GRK4: variants seen among roughly 807,000 people sequenced by gnomAD.
GRK4 encodes the protein G protein-coupled receptor kinase 4, also known as G protein-coupled receptor kinase 2-like.
In GRK4, 73 loss-of-function variants were observed where a neutral mutation model predicts 77.9. The ratio of observed to expected loss-of-function variants is 0.94; its 90% CI spans 0.78 to 1.14. The LOEUF is 1.14. Among genes scored for constraint, GRK4 ranks in the 50% most tolerant of loss-of-function variants. The probability of loss-of-function intolerance (pLI) is 0.00; values close to 1 mark genes in which losing one functional copy is unlikely to be tolerated. For synonymous variants in GRK4, 257 were observed against 254.4 expected, an observed-to-expected ratio of 1.01 and a Z score of -0.10; for missense variants, 729 against 700.2, an observed-to-expected ratio of 1.04 and a Z score of -0.46.
At chr4:3,001,369 A>ATAT (rs1271643822) in intron 4 of GRK4, among the ~76,000 whole-genome samples, 5 of 76,940 alleles carry the variant, frequency 6.5e-5, no homozygotes, top group Admixed American at 3.6e-4. Flanking sequence ...ATATATATAT[A>ATAT]TTTTTTTTTT....
At chr4:3,001,941 T>C (rs1419324389) in intron 4 of GRK4, among the ~76,000 whole-genome samples, 2 of 152,202 alleles carry the variant, frequency 1.3e-5, no homozygotes, top group Non-Finnish European at 2.9e-5. Context: ...TATTTTTTCA[T>C]TGAATCTGGA....
intron 4 of GRK4, among the ~76,000 whole-genome samples, chr4:3,001,089 A>ATATATATATATATATATATG: frequency 1.2e-5 from 1 of 82,432 alleles, no homozygotes; most frequent in African/African-American, 5.8e-5. Context: ...ATATATATAT[A>ATATATATATATATATATATG]TGTGTGTGTG....
intron 12 of GRK4, among the ~76,000 whole-genome samples, chr4:3,033,784 A>C (rs1357078848): frequency 6.6e-6 from 1 of 152,122 alleles, no homozygotes; most frequent in Non-Finnish European, 1.5e-5. Context: ...ACCGGGTTTC[A>C]CCATGTTGGC....
intron 4 of GRK4, among the ~76,000 whole-genome samples, chr4:3,001,457 C>T (rs1461251124): frequency 6.6e-6 from 1 of 150,568 alleles, no homozygotes; most frequent in South Asian, 2.1e-4. Flanking sequence ...ACCTCTGCCT[C>T]CTGGGTTCAA....
intron 7 of GRK4, 135 bp downstream of exon 7, chr4:3,009,846 G>T (rs1732388257): frequency 3.6e-6 from 2 of 555,864 alleles, no homozygotes; most frequent in African/African-American, 3.8e-5. Context: ...AATAATCTTT[G>T]CCAACTGTGA....
At chr4:3,003,318 T>A (rs1026559355) in intron 4 of GRK4, among the ~76,000 whole-genome samples, 30 of 152,038 alleles carry the variant, frequency 2.0e-4, no homozygotes, top group Non-Finnish European at 4.0e-4. Flanking sequence ...GCCTCCTGAG[T>A]AGCTAGGATT....
intron 1 of GRK4, among the ~76,000 whole-genome samples, chr4:2,978,948 G>A (rs1178017189): frequency 6.6e-6 from 1 of 152,082 alleles, no homozygotes; most frequent in Non-Finnish European, 1.5e-5. Context: ...ACACAAATTA[G>A]GCTGGGCACG....
At chr4:2,975,032 C>T (rs1394293274) in intron 1 of GRK4, among the ~76,000 whole-genome samples, 2 of 152,172 alleles carry the variant, frequency 1.3e-5, no homozygotes, top group East Asian at 1.9e-4. Flanking sequence ...AGGCCGGGCG[C>T]GGTGGCTCTC....
At chr4:3,001,273 GTATGTATGTATACACATACA>G (rs1221470196) in intron 4 of GRK4, among the ~76,000 whole-genome samples, 1 of 139,970 alleles carries the variant, frequency 7.1e-6, no homozygotes, top group Non-Finnish European at 1.5e-5. Flanking sequence ...ATGTGTGTAT[GTATGTATGTATACACATACA>G]TATATATGTA....
At chr4:3,009,236 C>T (rs1226155456) in intron 6 of GRK4, among the ~76,000 whole-genome samples, 1 of 151,930 alleles carries the variant, frequency 6.6e-6, no homozygotes, top group Non-Finnish European at 1.5e-5. Flanking sequence ...GCCTGGTAAA[C>T]ATGGTGAAAA....
chr4:2,970,755 T>C (rs1277545826), intron 1 of GRK4, among the ~76,000 whole-genome samples: 10 of 151,920 alleles, frequency 6.6e-5, no homozygotes, highest in East Asian at 2.0e-4. Context: ...CTGCAAGCTC[T>C]GCCTCCCAGG....
intron 4 of GRK4, among the ~76,000 whole-genome samples, chr4:2,998,362 A>AAAAAG (rs1036391916): frequency 1.3e-5 from 2 of 152,214 alleles, no homozygotes; most frequent in Admixed American, 1.3e-4. Context: ...GTTTAAAAAA[A>AAAAAG]AAAAGAAAAG....
chr4:3,028,025 C>G, intron 11 of GRK4, 24 bp downstream of exon 11: 2 of 1,603,032 alleles, frequency 1.2e-6, no homozygotes, highest in Non-Finnish European at 1.7e-6. Flanking sequence ...TTTCGGCGTC[C>G]TTGTCCTTTC....
Position 3,035,377 on chromosome 4 carries a change from C to G in GRK4, c.1270-9C>G, listed in dbSNP as rs762442626. 6.2e-7 allele frequency: 1 copy of G among 1,613,680 alleles called. No individual in the cohort carries two copies. The highest frequency in any genetic ancestry group is 8.5e-7 in the Non-Finnish European group (1 of 1,179,902). On this transcript the variant is annotated splice_polypyrimidine_tract_variant and intron_variant, in intron 12 of 15. Transcript: ENST00000398052. Reference sequence around the variant, plus strand: ...AGGCTCAAGTGGGTTGCATTTCTGCCTCTTGCAGTTACTCACCAAGAATCC... The same window carrying G: ...AGGCTCAAGTGGGTTGCATTTCTGCGTCTTGCAGTTACTCACCAAGAATCC...
intron 8 of GRK4, among the ~76,000 whole-genome samples, chr4:3,016,594 A>G (rs551323402): frequency 2.1e-5 from 3 of 139,754 alleles, no homozygotes; most frequent in African/African-American, 5.7e-5. Context: ...CCAGCTACTC[A>G]GAAGGCTGTG....
chr4:2,972,604 T>C (rs1275578481), intron 1 of GRK4, among the ~76,000 whole-genome samples: 1 of 152,076 alleles, frequency 6.6e-6, no homozygotes, highest in Non-Finnish European at 1.5e-5. Flanking sequence ...AGGGGACCTT[T>C]TGTAGCTGCA....
intron 10 of GRK4, among the ~76,000 whole-genome samples, chr4:3,025,672 T>C (rs1002358146): frequency 6.6e-6 from 1 of 152,000 alleles, no homozygotes; most frequent in Non-Finnish European, 1.5e-5. Context: ...GATTACAGGC[T>C]TGAGCACCGC....
intron 14 of GRK4, 142 bp downstream of exon 14, chr4:3,037,653 AC>A (rs1741154488): frequency 2.1e-6 from 2 of 972,570 alleles, no homozygotes; most frequent in East Asian, 5.6e-5. Flanking sequence ...GCAGTGGCTC[AC>A]GCCTGTAATC....
At position 2,998,568 on chromosome 4, in the gene GRK4, T is replaced by C. The variant is rs145008600; in HGVS notation, c.340-5663T>C. Reference sequence around the variant, plus strand: ...TAATTGTATTCCTATATATTAGCAATTAAAATCCAAAAAAAAAGAAATTAA... The same window carrying C: ...TAATTGTATTCCTATATATTAGCAACTAAAATCCAAAAAAAAAGAAATTAA... On this transcript the variant is annotated intron_variant, in intron 4 of 15. Coordinates refer to ENST00000398052, the MANE Select transcript of GRK4 (RefSeq NM_182982.3). Among the ~76,000 whole-genome samples, 27 of 151,838 alleles carry C rather than the reference T, an allele frequency of 1.8e-4. No individual in the cohort carries two copies. The East Asian group carries it at 5.2e-3, about 29-fold the overall frequency.
Sources: gnomAD v4.1 joint callset for allele counts (sites outside exome capture counted in the v4.1 genomes callset) on GRCh38, gnomAD v4.1.1 for gene constraint, MANE v1.5 for transcripts, NCBI Gene and HGNC (gene_info 2026-07-23, HGNC 2026-07-21) for gene names.